The following NKAIN3 variants were observed in gnomAD, a reference collection of about 807,000 sequenced individuals.
The protein encoded by NKAIN3 is sodium/potassium-transporting ATPase subunit beta-1-interacting protein 3.
A neutral mutation model predicts 30.2 loss-of-function variants in NKAIN3; 25 were observed. That is an observed-to-expected ratio of 0.83 (90% confidence interval 0.60 to 1.16). NKAIN3 has a LOEUF of 1.16. NKAIN3 is among the 50% of genes most tolerant of loss of function. NKAIN3 has a pLI of 0.00. For synonymous variants in NKAIN3, 91 were observed against 89.6 expected (o/e 1.02, Z -0.09); for missense variants, 225 against 254.1 (o/e 0.89, Z 0.78).
At chr8:62,951,422 A>G (rs73264637) in intron 5 of NKAIN3, among the ~76,000 whole-genome samples, 4,662 of 152,314 alleles carry the variant, frequency 0.031, 198 homozygotes, top group East Asian at 0.12. Flanking sequence ...TCCAGTTCAT[A>G]GAATTAGCAT....
chr8:62,812,269 ATTCT>A (rs1160647634), intron 4 of NKAIN3, among the ~76,000 whole-genome samples: 1 of 152,020 alleles, frequency 6.6e-6, no homozygotes, highest in African/African-American at 2.4e-5. Context: ...GGGTTGAATA[ATTCT>A]TTCCACTTTA....
chr8:62,345,088 C>T (rs1016214849), intron 1 of NKAIN3, among the ~76,000 whole-genome samples: 20 of 151,424 alleles, frequency 1.3e-4, no homozygotes, highest in Non-Finnish European at 2.9e-4. Flanking sequence ...GGATTGCTTT[C>T]TTGATTTCAT....
intron 3 of NKAIN3, among the ~76,000 whole-genome samples, chr8:62,720,469 T>C (rs778397159): frequency 3.3e-5 from 5 of 152,176 alleles, no homozygotes; most frequent in Admixed American, 6.5e-5. Flanking sequence ...CCCAATGGAA[T>C]TATGATTTCA....
At chr8:62,658,678 T>G (rs748836055) in intron 3 of NKAIN3, among the ~76,000 whole-genome samples, 36 of 152,154 alleles carry the variant, frequency 2.4e-4, no homozygotes, top group Non-Finnish European at 4.9e-4. Context: ...CTGAAATAAT[T>G]TATTTGTTTT....
intron 1 of NKAIN3, among the ~76,000 whole-genome samples, chr8:62,352,357 C>T (rs1466942058): frequency 6.6e-6 from 1 of 152,200 alleles, no homozygotes; most frequent in Non-Finnish European, 1.5e-5. Context: ...CTGCATCTGA[C>T]ACACCTTTCT....
At chr8:62,313,534 A>C (rs190739650) in intron 1 of NKAIN3, among the ~76,000 whole-genome samples, 125 of 152,264 alleles carry the variant, frequency 8.2e-4, no homozygotes, top group Middle Eastern at 3.4e-3. Context: ...AAGAGCAAGT[A>C]CTCAGGGCAT....
intron 1 of NKAIN3, among the ~76,000 whole-genome samples, chr8:62,372,944 C>A (rs1424486692): frequency 6.6e-6 from 1 of 152,100 alleles, no homozygotes; most frequent in Admixed American, 6.5e-5. Context: ...AACATTCTTA[C>A]ACCTACCAGC....
intron 1 of NKAIN3, among the ~76,000 whole-genome samples, chr8:62,371,756 G>T (rs1008583315): frequency 2.0e-5 from 3 of 151,726 alleles, no homozygotes; most frequent in Non-Finnish European, 4.4e-5. Flanking sequence ...ATACTTTAAT[G>T]CATTCTTTAT....
At chr8:62,586,540 C>T (rs544220783) in intron 2 of NKAIN3, among the ~76,000 whole-genome samples, 1 of 152,158 alleles carries the variant, frequency 6.6e-6, no homozygotes, top group South Asian at 2.1e-4. Context: ...ACTTACTCTA[C>T]ATTTTTATTA....
intron 1 of NKAIN3, among the ~76,000 whole-genome samples, chr8:62,276,025 G>A (rs574740113): frequency 6.6e-6 from 1 of 151,990 alleles, no homozygotes; most frequent in Non-Finnish European, 1.5e-5. Context: ...GTAAGTTACT[G>A]TATCGGTCTA....
At chr8:62,914,001 C>T (rs1289197486) in intron 4 of NKAIN3, among the ~76,000 whole-genome samples, 1 of 151,954 alleles carries the variant, frequency 6.6e-6, no homozygotes, top group African/African-American at 2.4e-5. Flanking sequence ...GGGTATATAC[C>T]CAAAGGAATA....
chr8:62,918,488 T>A lies in NKAIN3; in HGVS notation c.507T>A (p.Ser169Arg). ...TTGTGTATGCCTGTTATGTGATCAG[T>A]ATTTCCATGGAAGAAGAAGACACAT... Reference protein sequence around the residue: ...VGFVYACYVISISMEEEDTFD... With the variant: ...VGFVYACYVIRISMEEEDTFD... The change falls in exon 5 of 7, where the codon AGT becomes AGA. Residue 169 changes from serine to arginine, a missense_variant. Physicochemically the swap from Ser to Arg is moderately radical, Grantham distance 110. Transcript: ENST00000623646. 1.2e-6 allele frequency: 2 copies of A among 1,613,240 alleles called. No homozygotes were observed. Among genetic ancestry groups the A allele is most frequent in the Non-Finnish European group, 1.7e-6 (2 of 1,179,308 alleles).
chr8:62,431,706 A>T (rs1292864508), intron 1 of NKAIN3, among the ~76,000 whole-genome samples: 3 of 151,946 alleles, frequency 2.0e-5, no homozygotes, highest in East Asian at 1.9e-4. Flanking sequence ...AAGGATTTTT[A>T]AAAATGTTTT....
intron 3 of NKAIN3, among the ~76,000 whole-genome samples, chr8:62,609,664 A>C (rs1811229599): frequency 6.6e-6 from 1 of 151,952 alleles, no homozygotes; most frequent in South Asian, 2.1e-4. Flanking sequence ...AGAAAAAAAC[A>C]ACAAAATAAA....
chr8:62,929,705 A>T (rs1467943031), intron 5 of NKAIN3, among the ~76,000 whole-genome samples: 2 of 152,192 alleles, frequency 1.3e-5, no homozygotes, highest in Admixed American at 6.5e-5. Flanking sequence ...CAAATTTTTT[A>T]AAAACTGTGG....
At chr8:62,384,070 G>T (rs1817355250) in intron 1 of NKAIN3, among the ~76,000 whole-genome samples, 1 of 152,042 alleles carries the variant, frequency 6.6e-6, no homozygotes, top group Non-Finnish European at 1.5e-5. Flanking sequence ...TGGATTCCAT[G>T]GTGCTATTCA....
At chr8:62,725,850 T>C (rs1269774297) in intron 3 of NKAIN3, among the ~76,000 whole-genome samples, 1 of 152,078 alleles carries the variant, frequency 6.6e-6, no homozygotes, top group Non-Finnish European at 1.5e-5. Context: ...TTCATATACA[T>C]TTTAGGATTT....
At chr8:62,486,539 G>C (rs1224025943) in intron 1 of NKAIN3, among the ~76,000 whole-genome samples, 3 of 151,998 alleles carry the variant, frequency 2.0e-5, no homozygotes, top group Non-Finnish European at 4.4e-5. Context: ...TTTATGTCTG[G>C]TGTAGCTAAC....
At chr8:62,721,489 A>G (rs1270643625) in intron 3 of NKAIN3, among the ~76,000 whole-genome samples, 1 of 152,178 alleles carries the variant, frequency 6.6e-6, no homozygotes, top group African/African-American at 2.4e-5. Context: ...TTTCCTCTTA[A>G]CGATGAGACT....
Sources: gnomAD v4.1 joint callset for allele counts (sites outside exome capture counted in the v4.1 genomes callset) on GRCh38, gnomAD v4.1.1 for gene constraint, MANE v1.5 for transcripts, NCBI Gene and HGNC (gene_info 2026-07-23, HGNC 2026-07-21) for gene names.